SLC24A3: variants seen among roughly 807,000 people sequenced by gnomAD.
SLC24A3 encodes the protein sodium/potassium/calcium exchanger 3.
Under a neutral mutation model 75.8 loss-of-function variants are expected in SLC24A3, and 28 were observed. That is an observed-to-expected ratio of 0.37 (90% CI 0.27 to 0.51). The LOEUF is 0.51. Among genes scored for constraint, SLC24A3 ranks in the 20% least tolerant of loss-of-function variants. SLC24A3 has a pLI of 0.94. For synonymous variants in SLC24A3, 372 were observed against 334.1 expected (o/e 1.11, Z -1.24); for missense variants, 663 against 847.8 (o/e 0.78, Z 2.71).
At chr20:19,471,438 T>C (rs1448972986) in intron 2 of SLC24A3, among the ~76,000 whole-genome samples, 1 of 152,202 alleles carries the variant, frequency 6.6e-6, no homozygotes, top group Admixed American at 6.5e-5. Flanking sequence ...CACTGGAAGC[T>C]GGAAAGCCAG....
At chr20:19,531,008 T>C (rs2030288178) in intron 3 of SLC24A3, among the ~76,000 whole-genome samples, 1 of 152,078 alleles carries the variant, frequency 6.6e-6, no homozygotes, top group Non-Finnish European at 1.5e-5. Flanking sequence ...AATAATAATA[T>C]TAAAGGTAAG....
At chr20:19,642,154 G>A (rs2032083043) in intron 6 of SLC24A3, among the ~76,000 whole-genome samples, 1 of 152,222 alleles carries the variant, frequency 6.6e-6, no homozygotes, top group Admixed American at 6.5e-5. Flanking sequence ...CTTGCAGGGA[G>A]AGGCTTCAGC....
intron 2 of SLC24A3, among the ~76,000 whole-genome samples, chr20:19,300,145 C>T (rs568464064): frequency 1.3e-5 from 2 of 152,330 alleles, no homozygotes; most frequent in South Asian, 2.1e-4. Flanking sequence ...CTCACAAGTG[C>T]TTTGATATTT....
intron 2 of SLC24A3, among the ~76,000 whole-genome samples, chr20:19,514,114 A>G (rs555423431): frequency 8.8e-4 from 134 of 152,332 alleles, no homozygotes; most frequent in Non-Finnish European, 1.5e-3. Context: ...CCTTGGATGC[A>G]GAGAGCAGAG....
intron 2 of SLC24A3, among the ~76,000 whole-genome samples, chr20:19,338,198 A>G (rs1206417140): frequency 6.6e-6 from 1 of 152,214 alleles, no homozygotes; most frequent in African/African-American, 2.4e-5. Context: ...TTCGCATGGC[A>G]AAGTCAAGCT....
chr20:19,432,785 A>G (rs1987126898), intron 2 of SLC24A3, among the ~76,000 whole-genome samples: 1 of 152,236 alleles, frequency 6.6e-6, no homozygotes, highest in South Asian at 2.1e-4. Context: ...ACACTGACTT[A>G]GTGCTGTAAA....
intron 3 of SLC24A3, among the ~76,000 whole-genome samples, chr20:19,521,757 A>T (rs1568643246): frequency 6.6e-6 from 1 of 152,120 alleles, no homozygotes; most frequent in Admixed American, 6.5e-5. Flanking sequence ...CCAGGCCCAG[A>T]TTGCTGTTGT....
At chr20:19,604,476 G>T (rs1254722471) in intron 6 of SLC24A3, among the ~76,000 whole-genome samples, 1 of 152,216 alleles carries the variant, frequency 6.6e-6, no homozygotes, top group South Asian at 2.1e-4. Context: ...TGAAGCCAAG[G>T]GCTAGGCAGG....
At chr20:19,325,835 GAGAGGGAGAC>G (rs1301572695) in intron 2 of SLC24A3, among the ~76,000 whole-genome samples, 2 of 82,518 alleles carry the variant, frequency 2.4e-5, no homozygotes, top group African/African-American at 8.5e-5. Flanking sequence ...GAGAGAGAGA[GAGAGGGAGAC>G]ATCTGGAGGA....
chr20:19,663,122 G>T (rs763375749), intron 7 of SLC24A3, among the ~76,000 whole-genome samples: 3 of 151,966 alleles, frequency 2.0e-5, no homozygotes, highest in Non-Finnish European at 2.9e-5. Flanking sequence ...AGGCTGGAAT[G>T]CAGTGGCCAG....
chr20:19,232,667 C>T (rs1323954312), intron 1 of SLC24A3, among the ~76,000 whole-genome samples: 1 of 152,232 alleles, frequency 6.6e-6, no homozygotes, highest in Non-Finnish European at 1.5e-5. Flanking sequence ...CTGACGAGGA[C>T]TCTGGAGTTA....
intron 2 of SLC24A3, among the ~76,000 whole-genome samples, chr20:19,331,270 G>A (rs1984992035): frequency 6.6e-6 from 1 of 152,170 alleles, no homozygotes. Context: ...TGGGAAATAA[G>A]CATTGAAGTA....
intron 1 of SLC24A3, among the ~76,000 whole-genome samples, chr20:19,246,928 TAA>T (rs757776475): frequency 1.1e-3 from 160 of 152,264 alleles, no homozygotes; most frequent in Admixed American, 1.8e-3. Flanking sequence ...AATTAAGAAA[TAA>T]TAAAAGCATT....
At chr20:19,318,023 G>C (rs1600426308) in intron 2 of SLC24A3, among the ~76,000 whole-genome samples, 3 of 152,202 alleles carry the variant, frequency 2.0e-5, no homozygotes, top group Admixed American at 6.5e-5. Flanking sequence ...TGCATGGCAG[G>C]CTGGAAATGT....
In SLC24A3 at chr20:19,672,043, G is replaced by A. The variant is rs140564389; in HGVS notation, c.714-1558G>A. ...TCCTTTCAGATGCTACCAGGAAATC[G>A]AACAGGATGATGGACAACCACCCAC... On this transcript the variant is annotated intron_variant, in intron 8 of 16. Coordinates refer to ENST00000328041, the MANE Select transcript of SLC24A3 (RefSeq NM_020689.4). 5.0e-3 allele frequency among the ~76,000 whole-genome samples: 768 copies of A among 152,206 alleles called. 2 individuals are homozygous for A. Among genetic ancestry groups the A allele is most frequent in the Non-Finnish European group, 7.9e-3 (538 of 68,020 alleles).
intron 7 of SLC24A3, among the ~76,000 whole-genome samples, chr20:19,657,340 G>C (rs1236362535): frequency 6.6e-6 from 1 of 152,202 alleles, no homozygotes; most frequent in Admixed American, 6.5e-5. Flanking sequence ...AGTTCAACAG[G>C]CTCTTGGGTA....
In SLC24A3 at chr20:19,295,921, C is replaced by G. The variant is rs1984049202; in HGVS notation, c.271+14834C>G. Among the ~76,000 whole-genome samples the G allele has an allele frequency of 2.6e-5, 4 of 152,102 alleles. No individual in the cohort carries two copies. In the South Asian group the frequency reaches 8.3e-4, roughly 32 times the overall value. ...CCTTCTCAATTGTTTGGAATAGTTT[C>G]AGAAGAAATGGTACCGGCTCCTCTT... On this transcript the variant is annotated intron_variant, in intron 2 of 16. Coordinates refer to ENST00000328041, the MANE Select transcript of SLC24A3 (RefSeq NM_020689.4).
rs375798092 is a variant in SLC24A3 at position 19,717,653 on chromosome 20, C to A, written c.1785+60C>A. The A allele has an allele frequency of 4.3e-5, 68 of 1,595,998 alleles. 1 individual carries two copies. In the African/African-American group the frequency reaches 4.4e-4, roughly 10 times the overall value. On this transcript the variant is annotated intron_variant, in intron 16 of 16. Coordinates refer to ENST00000328041, the MANE Select transcript of SLC24A3 (RefSeq NM_020689.4). ...GCCTGTTCTTTCCTCCCCTTGGTTT[C>A]TTTGGAGACCAGATGAGCTTGGTCT...
chr20:19,435,186 A>G (rs1327481351), intron 2 of SLC24A3, among the ~76,000 whole-genome samples: 3 of 152,226 alleles, frequency 2.0e-5, no homozygotes, highest in East Asian at 1.9e-4. Context: ...AAATCCTGGC[A>G]GAGCCAATTA....
Sources: gnomAD v4.1 joint callset for allele counts (sites outside exome capture counted in the v4.1 genomes callset) on GRCh38, gnomAD v4.1.1 for gene constraint, MANE v1.5 for transcripts, NCBI Gene and HGNC (gene_info 2026-07-23, HGNC 2026-07-21) for gene names.